Variants in IL7 observed in about 807,000 individuals in gnomAD.
IL7 encodes interleukin-7.
Under a neutral mutation model 21.6 loss-of-function variants are expected in IL7, and 3 were observed. That is an observed-to-expected ratio of 0.14 (90% CI 0.06 to 0.36). IL7 has a LOEUF of 0.36. Ranked by LOEUF, IL7 falls within the 10% of genes least tolerant of loss-of-function variation. The probability of loss-of-function intolerance (pLI) is 1.00; values close to 1 mark genes in which losing one functional copy is unlikely to be tolerated. For missense variants in IL7, 175 were observed against 200.2 expected, an observed-to-expected ratio of 0.87 and a Z score of 0.76; for synonymous variants, 62 against 68.1, an observed-to-expected ratio of 0.91 and a Z score of 0.44.
chr8:78,717,443 G>C (rs1276766704), downstream of IL7: 2 of 1,604,962 alleles, frequency 1.2e-6, no homozygotes, highest in Non-Finnish European at 1.7e-6. Context: ...ATACCCTGTA[G>C]AATGGGCCAA....
At chr8:78,678,689 T>C (rs375214803) in intron 4 of IL7, 13 of 1,588,978 alleles carry the variant, frequency 8.2e-6, no homozygotes, top group Non-Finnish European at 1.1e-5. Context: ...GGTAACTATA[T>C]AACCTTTTGA....
At chr8:78,744,686 CT>C (rs2130709624) in intron 2 of IL7, among the ~76,000 whole-genome samples, 1 of 152,296 alleles carries the variant, frequency 6.6e-6, no homozygotes, top group Non-Finnish European at 1.5e-5. Flanking sequence ...GTTGCAGTTA[CT>C]TTTGCCGGGA....
At chr8:78,766,679 A>G (rs909731647) in intron 2 of IL7, among the ~76,000 whole-genome samples, 5 of 152,166 alleles carry the variant, frequency 3.3e-5, no homozygotes, top group African/African-American at 1.2e-4. Context: ...AATATTCCAC[A>G]TTAAGTGTGT....
downstream of IL7, chr8:78,732,725 C>G (rs868092971): frequency 6.6e-6 from 1 of 152,080 alleles, no homozygotes; most frequent in Admixed American, 6.6e-5. Flanking sequence ...TATTAAAAAT[C>G]TCATCTTAAA....
chr8:78,725,070 A>G (rs1811317639), intron 3 of IL7, among the ~76,000 whole-genome samples: 1 of 151,942 alleles, frequency 6.6e-6, no homozygotes, highest in Non-Finnish European at 1.5e-5. Flanking sequence ...TGTTTGGCAA[A>G]TTTTCCATGG....
At chr8:78,745,310 A>G (rs950961114) in intron 2 of IL7, among the ~76,000 whole-genome samples, 3 of 152,240 alleles carry the variant, frequency 2.0e-5, no homozygotes, top group Non-Finnish European at 2.9e-5. Flanking sequence ...GTATGTGTGT[A>G]CACACGTATA....
intron 1 of IL7, among the ~76,000 whole-genome samples, chr8:78,799,681 AG>A (rs1275567120): frequency 6.6e-6 from 1 of 152,014 alleles, no homozygotes; most frequent in African/African-American, 2.4e-5. Flanking sequence ...ATATCCAAAA[AG>A]TTCTGCAAGT....
At chr8:78,693,166 A>C (rs557314846) in intron 3 of IL7, among the ~76,000 whole-genome samples, 5 of 152,088 alleles carry the variant, frequency 3.3e-5, no homozygotes, top group African/African-American at 1.2e-4. Flanking sequence ...AGTCTTTGCT[A>C]TTGTGAATAG....
chr8:78,727,702 G>A (rs946926071), intron 3 of IL7, among the ~76,000 whole-genome samples: 4 of 151,922 alleles, frequency 2.6e-5, no homozygotes, highest in Non-Finnish European at 4.4e-5. Flanking sequence ...AATTCAATAT[G>A]TCTATTATTT....
chr8:78,696,329 C>T (rs1353820894), intron 3 of IL7, among the ~76,000 whole-genome samples: 2 of 152,162 alleles, frequency 1.3e-5, no homozygotes, highest in Admixed American at 6.5e-5. Context: ...CCACCGTGCC[C>T]AGCCCGTTAA....
intron 3 of IL7, among the ~76,000 whole-genome samples, chr8:78,710,977 C>T (rs2130601341): frequency 6.6e-6 from 1 of 152,180 alleles, no homozygotes; most frequent in South Asian, 2.1e-4. Context: ...TCTTTTCAGA[C>T]ACTAAACTCC....
At chr8:78,742,098 G>T (rs922759995) in intron 2 of IL7, among the ~76,000 whole-genome samples, 1 of 151,730 alleles carries the variant, frequency 6.6e-6, no homozygotes, top group African/African-American at 2.4e-5. Context: ...TAGATCGTGA[G>T]GTCAGTAGTT....
chr8:78,737,997 C>T (rs1811650969), intron 4 of IL7, among the ~76,000 whole-genome samples: 1 of 152,036 alleles, frequency 6.6e-6, no homozygotes, highest in Non-Finnish European at 1.5e-5. Context: ...TGTTTTAGTT[C>T]ATAACCACTA....
At chr8:78,775,366 A>C (rs889564992) in intron 2 of IL7, among the ~76,000 whole-genome samples, 8 of 152,110 alleles carry the variant, frequency 5.3e-5, no homozygotes, top group Admixed American at 5.3e-4. Context: ...CTGGATGTGC[A>C]GAAAGGTTAT....
intron 3 of IL7, among the ~76,000 whole-genome samples, chr8:78,727,585 A>C (rs756150561): frequency 5.3e-5 from 8 of 152,050 alleles, no homozygotes; most frequent in Non-Finnish European, 1.0e-4. Context: ...ACTCTTTATG[A>C]CTATTAATTT....
chr8:78,688,526 G>T (rs771551740), intron 3 of IL7, among the ~76,000 whole-genome samples: 1 of 152,058 alleles, frequency 6.6e-6, no homozygotes, highest in Admixed American at 6.6e-5. Flanking sequence ...GACACTACCA[G>T]ATTTTTACAT....
At chr8:78,763,972 T>C (rs1163596352) in intron 2 of IL7, among the ~76,000 whole-genome samples, 1 of 152,034 alleles carries the variant, frequency 6.6e-6, no homozygotes, top group Admixed American at 6.5e-5. Flanking sequence ...AATTTGCTAT[T>C]GGGGATAGCA....
chr8:78,706,413 C>T (rs1271547423), intron 3 of IL7, among the ~76,000 whole-genome samples: 2 of 152,126 alleles, frequency 1.3e-5, no homozygotes, highest in East Asian at 3.9e-4. Flanking sequence ...TCTGCCAAGA[C>T]TCCCCATATC....
chr8:78,804,300 AC>A (rs1814214851), intron 1 of IL7, among the ~76,000 whole-genome samples: 1 of 152,102 alleles, frequency 6.6e-6, no homozygotes, highest in African/African-American at 2.4e-5. Context: ...AAACAAAAAA[AC>A]CCAGAAGCTG....
Sources: allele counts gnomAD v4.1 joint callset (sites outside exome capture counted in the v4.1 genomes callset), GRCh38; gene constraint gnomAD v4.1.1; transcripts MANE v1.5; gene names NCBI Gene and HGNC (gene_info 2026-07-23, HGNC 2026-07-21).